The following COL26A1 variants were observed in gnomAD, a reference collection of about 807,000 sequenced individuals.
COL26A1 encodes the protein collagen alpha-1(XXVI) chain.
COL26A1 carries 41 observed loss-of-function variants against 59.3 expected under a neutral mutation model. The ratio of observed to expected loss-of-function variants is 0.69; its 90% CI spans 0.54 to 0.90. COL26A1 has a LOEUF of 0.90. Among genes scored for constraint, COL26A1 ranks in the 40% least tolerant of loss-of-function variants. The pLI is 0.00. For missense variants in COL26A1, 612 were observed against 602.3 expected (o/e 1.02, Z -0.17); for synonymous variants, 266 against 256.0 (o/e 1.04, Z -0.37).
chr7:101,381,314 C>T (rs943664162), intron 1 of COL26A1, among the ~76,000 whole-genome samples: 1 of 152,130 alleles, frequency 6.6e-6, no homozygotes. Flanking sequence ...TACCTCCTTT[C>T]TCTCTGACTT....
intron 1 of COL26A1, among the ~76,000 whole-genome samples, chr7:101,413,559 AAAG>A (rs373789476): frequency 5.3e-5 from 8 of 152,074 alleles, no homozygotes; most frequent in African/African-American, 1.9e-4. Flanking sequence ...AAGAAAAAGA[AAAG>A]AAGAAAGAAA....
chr7:101,547,144 C>T lies in COL26A1; in HGVS notation c.857-12C>T, dbSNP rs1269799545. On this transcript the variant is annotated splice_polypyrimidine_tract_variant and intron_variant, in intron 7 of 12. Coordinates refer to ENST00000313669, the MANE Select transcript of COL26A1 (RefSeq NM_001278563.3). The stretch of plus-strand genomic sequence containing the variant: ...CCCCACCAGACCCCTGGCCGCTCCG[C>T]TCTTCCCACAGATGGAGACTCAAGG... The T allele has an allele frequency of 6.3e-7, 1 of 1,579,952 alleles. No homozygotes were observed.
intron 1 of COL26A1, among the ~76,000 whole-genome samples, chr7:101,386,962 A>G (rs1791591520): frequency 6.6e-6 from 1 of 152,146 alleles, no homozygotes; most frequent in Non-Finnish European, 1.5e-5. Context: ...CATCTGCCCT[A>G]GATTAATCCC....
intron 1 of COL26A1, among the ~76,000 whole-genome samples, chr7:101,417,718 A>G (rs1792413865): frequency 1.3e-5 from 2 of 149,636 alleles, no homozygotes; most frequent in Non-Finnish European, 3.0e-5. Flanking sequence ...AGATATCTAT[A>G]TCTATAATAT....
intron 3 of COL26A1, among the ~76,000 whole-genome samples, chr7:101,512,555 G>A (rs1794948053): frequency 6.6e-6 from 1 of 152,186 alleles, no homozygotes; most frequent in Admixed American, 6.5e-5. Flanking sequence ...CCAGGAGGTT[G>A]AGGCTGCAGT....
At chr7:101,375,678 G>GAAGA (rs750689820) in intron 1 of COL26A1, among the ~76,000 whole-genome samples, 1 of 150,402 alleles carries the variant, frequency 6.6e-6, no homozygotes, top group Non-Finnish European at 1.5e-5. Flanking sequence ...CATATCTACA[G>GAAGA]AAGAAAGAAA....
chr7:101,512,895 T>C (rs558168728), intron 3 of COL26A1, among the ~76,000 whole-genome samples: 17 of 152,204 alleles, frequency 1.1e-4, no homozygotes, highest in African/African-American at 4.1e-4. Flanking sequence ...CTTGCTAAAC[T>C]AGGAAAAGAA....
chr7:101,383,488 T>A (rs767618667), intron 1 of COL26A1, among the ~76,000 whole-genome samples: 13 of 151,994 alleles, frequency 8.6e-5, no homozygotes, highest in Non-Finnish European at 1.5e-4. Context: ...TGCCTCAGCC[T>A]CCGAAGTAGC....
chr7:101,513,387 C>T (rs1160241295), intron 3 of COL26A1, among the ~76,000 whole-genome samples: 3 of 152,164 alleles, frequency 2.0e-5, no homozygotes, highest in Non-Finnish European at 4.4e-5. Flanking sequence ...AGTGCAGCAG[C>T]GTGATCTTGG....
chr7:101,533,851 C>T (rs75530113), intron 4 of COL26A1, among the ~76,000 whole-genome samples: 17,313 of 152,234 alleles, frequency 0.11, 1,206 homozygotes, highest in Middle Eastern at 0.22. Context: ...AACACTTACC[C>T]GAGGGTACCT....
In COL26A1 at chr7:101,545,373, G is replaced by A. The variant is rs1363632412; in HGVS notation, c.739G>A (p.Gly247Arg). 3 of 1,587,034 alleles carry A rather than the reference G, an allele frequency of 1.9e-6. No homozygotes were observed. Among genetic ancestry groups the A allele is most frequent in the Non-Finnish European group, 2.6e-6 (3 of 1,170,812 alleles). The change falls in exon 7 of 13, where the codon GGA becomes AGA. Residue 247 changes from glycine to arginine, a missense_variant. Coordinates refer to ENST00000313669, the MANE Select transcript of COL26A1 (RefSeq NM_001278563.3). ...LGPPGPRGLP[G>R]EMGRPGPPGP... is the part of the protein sequence containing the mutation. ...GCCTCCAGGGCCCCGTGGGCTTCCT[G>A]GAGAGATGGGGCGCCCCGGCCCCCC...
chr7:101,477,721 A>G (rs1015687092), intron 3 of COL26A1, among the ~76,000 whole-genome samples: 2 of 152,132 alleles, frequency 1.3e-5, no homozygotes, highest in Non-Finnish European at 2.9e-5. Context: ...GGACACAGAG[A>G]CATCCTCTTT....
chr7:101,495,817 G>A, intron 3 of COL26A1, among the ~76,000 whole-genome samples: 1 of 151,432 alleles, frequency 6.6e-6, no homozygotes, highest in East Asian at 2.0e-4. Flanking sequence ...CTCAAGGCCG[G>A]GCGCAGTGGC....
Position 101,507,087 on chromosome 7 carries a change from G to A in COL26A1, c.386-25995G>A, listed in dbSNP as rs1248179195. The stretch of plus-strand genomic sequence containing the variant: ...GTACCACCACGCCTGGCTAATTTTC[G>A]TATTTTTAGCAGAGACAGAGTTTCA... On this transcript the variant is annotated intron_variant, in intron 3 of 12. Transcript: ENST00000313669. 6.6e-5 allele frequency among the ~76,000 whole-genome samples: 10 copies of A among 152,078 alleles called. No individual in the cohort carries two copies. In the East Asian group the frequency reaches 7.8e-4, roughly 12 times the overall value.
chr7:101,422,209 G>T (rs1397450882), intron 2 of COL26A1, among the ~76,000 whole-genome samples: 2 of 151,830 alleles, frequency 1.3e-5, no homozygotes, highest in East Asian at 1.9e-4. Context: ...CTACTTTGGA[G>T]GCTAAGGCAG....
At chr7:101,494,033 A>G (rs17469756) in intron 3 of COL26A1, among the ~76,000 whole-genome samples, 83,528 of 152,036 alleles carry the variant, frequency 0.55, 24,538 homozygotes, top group African/African-American at 0.74. Flanking sequence ...GTTGGAGTAG[A>G]AATGAGCGGG....
At chr7:101,457,047 G>A (rs1793489547) in intron 3 of COL26A1, among the ~76,000 whole-genome samples, 1 of 152,136 alleles carries the variant, frequency 6.6e-6, no homozygotes, top group South Asian at 2.1e-4. Flanking sequence ...TTCCTTGAAG[G>A]CTTGAAGGTT....
At chr7:101,447,306 C>G (rs1194715128) in intron 2 of COL26A1, among the ~76,000 whole-genome samples, 1 of 152,188 alleles carries the variant, frequency 6.6e-6, no homozygotes, top group African/African-American at 2.4e-5. Flanking sequence ...CCTACAAAGG[C>G]AGACTGGTAC....
chr7:101,381,691 C>T (rs1039025724), intron 1 of COL26A1, among the ~76,000 whole-genome samples: 4 of 152,208 alleles, frequency 2.6e-5, no homozygotes, highest in African/African-American at 9.6e-5. Flanking sequence ...ATGACCTAAA[C>T]ATCTTCCATT....
Sources: allele counts gnomAD v4.1 joint callset (sites outside exome capture counted in the v4.1 genomes callset), GRCh38; gene constraint gnomAD v4.1.1; transcripts MANE v1.5; gene names NCBI Gene and HGNC (gene_info 2026-07-23, HGNC 2026-07-21).